The following GSG1 variants were observed in gnomAD, a reference collection of about 807,000 sequenced individuals.
GSG1 encodes the protein germ cell associated 1.
In GSG1, 28 loss-of-function variants were observed where a neutral mutation model predicts 30.8. That is an observed-to-expected ratio of 0.91 (90% confidence interval 0.67 to 1.25). GSG1 has a LOEUF of 1.25. Among genes scored for constraint, GSG1 ranks in the 50% most tolerant of loss-of-function variants. GSG1 has a pLI of 0.00. For synonymous variants in GSG1, 162 were observed against 178.0 expected, an observed-to-expected ratio of 0.91 and a Z score of 0.71; for missense variants, 435 against 444.7, an observed-to-expected ratio of 0.98 and a Z score of 0.20.
chr12:13,084,993 A>C lies in GSG1; in HGVS notation c.997T>G (p.Tyr333Asp). The change falls in exon 7 of 7, where the codon TAC (tyrosine) becomes GAC (aspartate). Residue 333 changes from tyrosine (Y) to aspartate (D), a missense_variant. Physicochemically the swap from Tyr to Asp is radical, Grantham distance 160 (BLOSUM62 -3). Coordinates refer to ENST00000651961, the MANE Select transcript of GSG1 (RefSeq NM_001080555.4). ...AATCCCTTGTTCCGCAGCTCGGAGTAGAAGTCGACTCCCTCAGAGACAGAG... is the reference window on the plus strand; with the variant it reads ...AATCCCTTGTTCCGCAGCTCGGAGTCGAAGTCGACTCCCTCAGAGACAGAG... ...IHSVSEGVDF[Y>D]SELRNKGFQR... is the part of the protein sequence containing the mutation. 6.4e-7 allele frequency: 1 copy of C among 1,554,358 alleles called. No homozygotes were observed. The highest frequency in any genetic ancestry group is 1.2e-5 in the South Asian group (1 of 84,414).
At chr12:13,099,204 C>A (rs745743827) in intron 1 of GSG1, among the ~76,000 whole-genome samples, 12 of 152,146 alleles carry the variant, frequency 7.9e-5, no homozygotes, top group Non-Finnish European at 1.2e-4. Context: ...AACATCAGAG[C>A]CCAGCATCCC....
Position 13,090,693 on chromosome 12 carries a change from C to T in GSG1, c.174G>A (p.Val58=), listed in dbSNP as rs146694095. 1 of 1,614,250 alleles carries T rather than the reference C, an allele frequency of 6.2e-7. No individual in the cohort carries two copies. Among genetic ancestry groups the T allele is most frequent in the African/African-American group, 1.3e-5 (1 of 75,058 alleles). ...SNYWFVGTQK[V]PKPLCEKGLA... ...GACCTTTCTCGCACAGGGGCTTGGG[C>T]ACCTTCTGTGTGCCCACAAACCAGT... Residue 58 remains valine, a synonymous_variant, in exon 2 of 7, where the codon GTG becomes GTA. Coordinates refer to ENST00000651961, the MANE Select transcript of GSG1 (RefSeq NM_001080555.4).
Position 13,101,176 on chromosome 12 carries a change from CGGGGCGGGGCGGGGGCGTAACGGGT to C in GSG1, c.48+2264_48+2288del, listed in dbSNP as rs1228908768. Among the ~76,000 whole-genome samples, 1 of 138,392 alleles carries C rather than the reference CGGGGCGGGGCGGGGGCGTAACGGGT, an allele frequency of 7.2e-6. No individual in the cohort carries two copies. The highest frequency in any genetic ancestry group is 1.6e-5 in the Non-Finnish European group (1 of 63,644). The allele number at this position is 138,392 out of a possible 152,430, so 90.8% of individuals were successfully genotyped here. ...TGGGGCCGGGGGCGCTTGGGGACCG[CGGGGCGGGGCGGGGGCGTAACGGGT>C]GGGGCCTCTCGGGGGTGCCTGGGCC... is the stretch of plus-strand genomic sequence containing the variant. On this transcript the variant is annotated intron_variant, in intron 1 of 6. Coordinates refer to ENST00000651961, the MANE Select transcript of GSG1 (RefSeq NM_001080555.4). The surrounding 1 kb of genome is among the most constrained non-coding windows in gnomAD (Gnocchi z 5.8).
At chr12:13,098,421 C>T (rs918727452) in intron 1 of GSG1, among the ~76,000 whole-genome samples, 2 of 143,696 alleles carry the variant, frequency 1.4e-5, no homozygotes, top group African/African-American at 5.1e-5. Context: ...CAGCCACTCC[C>T]TATAGGAGTC....
At chr12:13,090,869 CAG>C (rs752632914) in intron 1 of GSG1, 51 bp from the exon 2 acceptor site, 1 of 1,494,968 alleles carries the variant, frequency 6.7e-7, no homozygotes, top group East Asian at 2.3e-5. Context: ...GAGCTTGACT[CAG>C]AGCCGCCTCG....
chr12:13,088,039 C>T lies in GSG1; in HGVS notation c.502G>A (p.Gly168Arg). 1.2e-6 allele frequency: 2 copies of T among 1,614,160 alleles called. No individual in the cohort carries two copies. The highest frequency in any genetic ancestry group is 4.5e-5 in the East Asian group (2 of 44,886). Residue 168 changes from glycine (G) to arginine (R), a missense_variant, in exon 5 of 7, where the codon GGA becomes AGA. Transcript: ENST00000651961. ...AKREILWLSL[G>R]TQITYIGLQF... ...AGTCCGATGTAGGTGATCTGCGTTC[C>T]CAGGGATAACCATAGGATTTCTGCC...
rs1470888754 is a variant in GSG1 at position 13,088,020 on chromosome 12, A to G, written c.521T>C (p.Ile174Thr). ...GAGGAAGCTGATGAATTGAAGTCCG[A>G]TGTAGGTGATCTGCGTTCCCAGGGA... ...WLSLGTQITY[I>T]GLQFISFLLL... The change falls in exon 5 of 7, where the codon ATC becomes ACC. Residue 174 changes from isoleucine (I) to threonine (T), a missense_variant. Transcript: ENST00000651961. The G allele has an allele frequency of 6.2e-6, 10 of 1,614,146 alleles. 1 individual carries two copies. Among genetic ancestry groups the G allele is most frequent in the Admixed American group, 5.0e-5 (3 of 60,012 alleles).
chr12:13,099,960 A>T (rs1591664847), intron 1 of GSG1, among the ~76,000 whole-genome samples: 1 of 152,248 alleles, frequency 6.6e-6, no homozygotes, highest in East Asian at 1.9e-4. Flanking sequence ...ATGACCATGC[A>T]TGCCCCTGGC....
rs972703386 is a variant in GSG1, at chr12:13,101,605, C to T, written c.48+1860G>A. 7.9e-5 allele frequency among the ~76,000 whole-genome samples: 12 copies of T among 152,238 alleles called. No homozygotes were observed. The highest frequency in any genetic ancestry group is 1.8e-4 in the Non-Finnish European group (12 of 68,034). On this transcript the variant is annotated intron_variant, in intron 1 of 6. Transcript: ENST00000651961. This position sits in a 1 kb window ranked among gnomAD's most constrained non-coding sequence, Gnocchi z 5.8. ...GCCACCTGAGGCGCGTCCCCTCTGC[C>T]GCCTGGCGAGGCTGCGCGGGAGGGC...
Position 13,090,802 on chromosome 12 carries a change from G to A in GSG1, c.65C>T (p.Ala22Val). The change falls in exon 2 of 7, where the codon GCC (alanine) becomes GTC (valine). Residue 22 changes from alanine to valine, a missense_variant. By Grantham distance (64) the Ala-to-Val change is moderately conservative. Coordinates refer to ENST00000651961, the MANE Select transcript of GSG1 (RefSeq NM_001080555.4). ...TAGGAGTGTCCGCTGGCCAGAGAAG[G>A]CCTTCGAGAGCTCCATCTGTAATAG... Reference protein sequence around the residue: ...CLTQEMELSKAFSGQRTLLSA... With the variant: ...CLTQEMELSKVFSGQRTLLSA... The A allele has an allele frequency of 6.2e-7, 1 of 1,611,246 alleles. No homozygotes were observed. Among genetic ancestry groups the A allele is most frequent in the Non-Finnish European group, 8.5e-7 (1 of 1,178,176 alleles).
In GSG1 at chr12:13,095,739, A is replaced by G. The variant is rs1481112858; in HGVS notation, c.49-4921T>C. 36 of 1,553,334 alleles carry G rather than the reference A, an allele frequency of 2.3e-5. 1 individual carries two copies. In the South Asian group the frequency reaches 4.0e-4, roughly 17 times the overall value. ...CCTCTCCTCCTACCCCTCCCCTTCTATCTCATATTCTTTGGAGTGCCTCAT... is the reference window on the plus strand; with the variant it reads ...CCTCTCCTCCTACCCCTCCCCTTCTGTCTCATATTCTTTGGAGTGCCTCAT... On this transcript the variant is annotated intron_variant, in intron 1 of 6. Transcript: ENST00000651961.
intron 6 of GSG1, among the ~76,000 whole-genome samples, chr12:13,086,672 G>A (rs758113031): frequency 6.6e-6 from 1 of 152,112 alleles, no homozygotes; most frequent in Non-Finnish European, 1.5e-5. Context: ...TTTCCAACAC[G>A]GTTCAGTAGA....
chr12:13,103,474 G>A lies in GSG1; in HGVS notation c.39C>T (p.Leu13=), dbSNP rs1482915573. 5.0e-6 allele frequency: 8 copies of A among 1,613,530 alleles called. No homozygotes were observed. The East Asian group carries it at 1.6e-4, about 31-fold the overall frequency. ...AAATCACTGTACCTACCTCCTGGGT[G>A]AGGCAAACATTTTGAGTCAGTTGAG... ...DPSQLTQNVC[L]TQEMELSKAF... Residue 13 remains leucine, a synonymous_variant, in exon 1 of 7, where the codon CTC becomes CTT. Coordinates refer to ENST00000651961, the MANE Select transcript of GSG1 (RefSeq NM_001080555.4).
At chr12:13,099,764 T>TTGTTTTG (rs796963084) in intron 1 of GSG1, among the ~76,000 whole-genome samples, 6 of 146,842 alleles carry the variant, frequency 4.1e-5, no homozygotes, top group East Asian at 2.1e-4. Flanking sequence ...TTTTTTTTTT[T>TTGTTTTG]TTTTGTTTTT....
chr12:13,093,785 G>T lies in GSG1; in HGVS notation c.49-2967C>A, dbSNP rs185636322. Among the ~76,000 whole-genome samples the T allele has an allele frequency of 5.2e-3, 787 of 152,266 alleles. 5 individuals are homozygous for T. The highest frequency in any genetic ancestry group is 8.7e-3 in the Non-Finnish European group (594 of 68,014). The stretch of plus-strand genomic sequence containing the variant: ...AGGGGAGGCTGCCGAAAGAACTGAG[G>T]CCCCAGATGGCTCTGGCAGGAGCCC... On this transcript the variant is annotated intron_variant, in intron 1 of 6. Transcript: ENST00000651961. This position sits in a 1 kb window ranked among gnomAD's most constrained non-coding sequence, Gnocchi z 4.6.
At chr12:13,089,019 C>T (rs1865832051) in intron 3 of GSG1, 110 bp from the exon 4 acceptor site, 1 of 1,394,974 alleles carries the variant, frequency 7.2e-7, no homozygotes, top group African/African-American at 1.4e-5. Flanking sequence ...CAGCACCTGC[C>T]CCGCATAGAG....
Position 13,101,122 on chromosome 12 carries a change from C to A in GSG1, c.48+2343G>T, listed in dbSNP as rs1416875699. On this transcript the variant is annotated intron_variant, in intron 1 of 6. Transcript: ENST00000651961. The surrounding 1 kb of genome is among the most constrained non-coding windows in gnomAD (Gnocchi z 5.8). ...GCACATCCTGTGGGGCAATCGCTCA[C>A]GCGCGGGTGACGGCGCCAGCAGGCC... Among the ~76,000 whole-genome samples the A allele has an allele frequency of 6.6e-6, 1 of 151,996 alleles. No homozygotes were observed. The highest frequency in any genetic ancestry group is 1.5e-5 in the Non-Finnish European group (1 of 68,000).
In GSG1 at chr12:13,103,536, A is replaced by G. The variant is rs749972098; in HGVS notation, c.-24T>C. On this transcript the variant is annotated 5_prime_UTR_variant, in exon 1 of 7. Transcript: ENST00000651961. ...ATTCACTCTTGCAGCGGGAAGGCAG[A>G]GAAGTTTCAGTTTATCTTCTGTTCT... The G allele has an allele frequency of 1.1e-5, 17 of 1,613,806 alleles. No individual in the cohort carries two copies. The highest frequency in any genetic ancestry group is 1.4e-5 in the Non-Finnish European group (17 of 1,179,694).
intron 1 of GSG1, among the ~76,000 whole-genome samples, chr12:13,097,124 A>G (rs1453388966): frequency 6.6e-6 from 1 of 152,054 alleles, no homozygotes; most frequent in South Asian, 2.1e-4. Flanking sequence ...TGGGACACCA[A>G]TGTTGAAAGA....
Sources: gnomAD v4.1 joint callset for allele counts (sites outside exome capture counted in the v4.1 genomes callset) on GRCh38, gnomAD v4.1.1 for gene constraint, Gnocchi (gnomAD v3.1) non-coding constraint, MANE v1.5 for transcripts, NCBI Gene and HGNC (gene_info 2026-07-23, HGNC 2026-07-21) for gene names.